PEBP4: variants seen among roughly 807,000 people sequenced by gnomAD.
The protein encoded by PEBP4 is phosphatidylethanolamine-binding protein 4.
In PEBP4, 22 loss-of-function variants were observed where a neutral mutation model predicts 23.9. That is an observed-to-expected ratio of 0.92 (90% CI 0.66 to 1.31). The LOEUF is 1.31. Among genes scored for constraint, PEBP4 ranks in the 40% most tolerant of loss-of-function variants. The pLI is 0.00. For missense variants in PEBP4, 324 were observed against 281.7 expected (o/e 1.15, Z -1.07); for synonymous variants, 112 against 99.3 (o/e 1.13, Z -0.76).
At chr8:22,791,741 CAACA>C (rs1806144936) in intron 4 of PEBP4, among the ~76,000 whole-genome samples, 1 of 152,214 alleles carries the variant, frequency 6.6e-6, no homozygotes, top group African/African-American at 2.4e-5. Context: ...TTAATTTATT[CAACA>C]AACATTTAAT....
At chr8:22,857,739 T>C (rs1807686125) in intron 3 of PEBP4, among the ~76,000 whole-genome samples, 1 of 152,194 alleles carries the variant, frequency 6.6e-6, no homozygotes, top group Non-Finnish European at 1.5e-5. Flanking sequence ...CAGCATCGAA[T>C]ACTGAAGCAT....
chr8:22,923,238 C>G (rs934465967), intron 2 of PEBP4, among the ~76,000 whole-genome samples: 3 of 152,106 alleles, frequency 2.0e-5, no homozygotes, highest in Non-Finnish European at 4.4e-5. Context: ...TCAGTTTGAG[C>G]TAGGTGGTCA....
intron 4 of PEBP4, among the ~76,000 whole-genome samples, chr8:22,744,014 T>G (rs1395720272): frequency 6.6e-6 from 1 of 152,182 alleles, no homozygotes; most frequent in Non-Finnish European, 1.5e-5. Context: ...TGCAGGCCAG[T>G]GTGACCTGCT....
chr8:22,741,668 G>T (rs1470950720), intron 4 of PEBP4, among the ~76,000 whole-genome samples: 1 of 152,166 alleles, frequency 6.6e-6, no homozygotes, highest in Non-Finnish European at 1.5e-5. Context: ...TCTGTTAAGG[G>T]CCGCTCAGCT....
intron 4 of PEBP4, among the ~76,000 whole-genome samples, chr8:22,790,188 T>A (rs1482879179): frequency 1.3e-5 from 2 of 152,250 alleles, no homozygotes; most frequent in African/African-American, 4.8e-5. Context: ...ATGGGCTGTT[T>A]GATGATTCTT....
intron 3 of PEBP4, among the ~76,000 whole-genome samples, chr8:22,829,012 C>A (rs1807029747): frequency 6.6e-6 from 1 of 152,198 alleles, no homozygotes; most frequent in South Asian, 2.1e-4. Flanking sequence ...TAGTCTTCAA[C>A]CTCAGTGGGG....
intron 5 of PEBP4, among the ~76,000 whole-genome samples, chr8:22,726,627 C>A (rs1473313717): frequency 1.3e-5 from 2 of 152,248 alleles, no homozygotes; most frequent in Non-Finnish European, 2.9e-5. Context: ...CTTATGACAT[C>A]TCCTCCATCT....
intron 3 of PEBP4, among the ~76,000 whole-genome samples, chr8:22,907,501 G>A (rs1808841513): frequency 6.6e-6 from 1 of 152,056 alleles, no homozygotes. Context: ...GAAAGAATGA[G>A]GCTCCATCTC....
At chr8:22,778,904 G>A (rs1805865335) in intron 4 of PEBP4, among the ~76,000 whole-genome samples, 1 of 152,178 alleles carries the variant, frequency 6.6e-6, no homozygotes, top group Admixed American at 6.5e-5. Context: ...CACCAGGGCG[G>A]GCTCCTCTGT....
intron 4 of PEBP4, among the ~76,000 whole-genome samples, chr8:22,805,349 C>T (rs747057935): frequency 2.0e-5 from 3 of 151,938 alleles, no homozygotes; most frequent in Admixed American, 6.6e-5. Flanking sequence ...GTTTTGAGAC[C>T]GAGTTTTGCT....
At chr8:22,826,121 TG>T (rs1306874279) in intron 3 of PEBP4, among the ~76,000 whole-genome samples, 1 of 152,212 alleles carries the variant, frequency 6.6e-6, no homozygotes, top group Non-Finnish European at 1.5e-5. Context: ...TACAATACCG[TG>T]TCCATAGTTA....
At chr8:22,725,004 C>T (rs373254528) in intron 5 of PEBP4, 48 bp from the exon 6 acceptor site, 48 of 1,503,360 alleles carry the variant, frequency 3.2e-5, no homozygotes, top group Middle Eastern at 4.1e-4. Flanking sequence ...CCCATACTAC[C>T]GAGGGCAGAG....
At chr8:22,834,506 G>A (rs1436145322) in intron 3 of PEBP4, among the ~76,000 whole-genome samples, 1 of 152,212 alleles carries the variant, frequency 6.6e-6, no homozygotes, top group East Asian at 1.9e-4. Context: ...AGCATGCTCT[G>A]ACACATTGAG....
chr8:22,853,147 G>A (rs1807580240), intron 3 of PEBP4, among the ~76,000 whole-genome samples: 1 of 152,230 alleles, frequency 6.6e-6, no homozygotes, highest in African/African-American at 2.4e-5. Flanking sequence ...GGTATGCGTA[G>A]AACACGGAGG....
chr8:22,836,602 G>A (rs1271972279), intron 3 of PEBP4, among the ~76,000 whole-genome samples: 2 of 152,214 alleles, frequency 1.3e-5, no homozygotes, highest in South Asian at 2.1e-4. Context: ...GAACGCTCTC[G>A]CCTGGCTCAC....
At chr8:22,888,405 C>T (rs189983929) in intron 3 of PEBP4, among the ~76,000 whole-genome samples, 5 of 152,288 alleles carry the variant, frequency 3.3e-5, no homozygotes, top group Admixed American at 1.3e-4. Flanking sequence ...CTGCCCACCT[C>T]GGCCTCCCAA....
intron 4 of PEBP4, among the ~76,000 whole-genome samples, chr8:22,812,570 T>A (rs1189786018): frequency 6.6e-6 from 1 of 152,150 alleles, no homozygotes; most frequent in Non-Finnish European, 1.5e-5. Context: ...ACAGTACAGG[T>A]CAAAGCATGC....
At chr8:22,723,532 G>A (rs1362347027) in intron 6 of PEBP4, among the ~76,000 whole-genome samples, 1 of 152,156 alleles carries the variant, frequency 6.6e-6, no homozygotes, top group Non-Finnish European at 1.5e-5. Context: ...TTCATTTTAT[G>A]AGAACCCCAT....
At chr8:22,899,675 TGAG>T (rs1808672390) in intron 3 of PEBP4, among the ~76,000 whole-genome samples, 1 of 151,902 alleles carries the variant, frequency 6.6e-6, no homozygotes, top group African/African-American at 2.4e-5. Flanking sequence ...CTAGCCAGGG[TGAG>T]GAGGAGAGAG....
Sources: allele counts gnomAD v4.1 joint callset (sites outside exome capture counted in the v4.1 genomes callset), GRCh38; gene constraint gnomAD v4.1.1; transcripts MANE v1.5; gene names NCBI Gene and HGNC (gene_info 2026-07-23, HGNC 2026-07-21).